PLEKHM3: variants seen among roughly 807,000 people sequenced by gnomAD.
PLEKHM3 encodes pleckstrin homology domain-containing family M member 3.
A neutral mutation model predicts 81.8 loss-of-function variants in PLEKHM3; 45 were observed. The ratio of observed to expected loss-of-function variants is 0.55; its 90% CI spans 0.43 to 0.71. PLEKHM3 has a LOEUF of 0.71. PLEKHM3 is among the 30% of genes least tolerant of loss of function. PLEKHM3 has a pLI of 0.00. For synonymous variants in PLEKHM3, 352 were observed against 356.4 expected (o/e 0.99, Z 0.14); for missense variants, 788 against 924.3 (o/e 0.85, Z 1.91).
At chr2:207,919,141 TA>T (rs925613299) in intron 5 of PLEKHM3, among the ~76,000 whole-genome samples, 2 of 147,748 alleles carry the variant, frequency 1.4e-5, no homozygotes, top group African/African-American at 5.0e-5. Context: ...AACAAAACGA[TA>T]AAAAAAAGAA....
At chr2:207,837,677 C>T (rs1575267629) in intron 7 of PLEKHM3, among the ~76,000 whole-genome samples, 1 of 104,336 alleles carries the variant, frequency 9.6e-6, no homozygotes, top group Admixed American at 1.5e-4. Context: ...TGGTCTTGTT[C>T]TCCTGACCTC....
At chr2:207,878,941 T>C (rs944932800) in intron 6 of PLEKHM3, among the ~76,000 whole-genome samples, 4 of 152,176 alleles carry the variant, frequency 2.6e-5, no homozygotes, top group Non-Finnish European at 5.9e-5. Context: ...TTCCCTAAGC[T>C]AGGGACAGCC....
chr2:207,852,242 T>A (rs1390762829), intron 7 of PLEKHM3, among the ~76,000 whole-genome samples: 3 of 152,288 alleles, frequency 2.0e-5, no homozygotes, highest in East Asian at 3.9e-4. Flanking sequence ...GTATTTGGAT[T>A]CAGGTTTTGG....
chr2:207,946,258 A>G lies in PLEKHM3; in HGVS notation c.1692+109T>C, dbSNP rs73064846. Reference sequence around the variant, plus strand: ...AAGGTCTTGCAGCTTTTATGAGACTACCTAATCATATCTGCTTCAAATTGT... The same window carrying G: ...AAGGTCTTGCAGCTTTTATGAGACTGCCTAATCATATCTGCTTCAAATTGT... On this transcript the variant is annotated intron_variant, in intron 4 of 7. Coordinates refer to ENST00000427836, the MANE Select transcript of PLEKHM3 (RefSeq NM_001080475.3). 1,339 of 1,282,462 alleles carry G rather than the reference A, an allele frequency of 1.0e-3. 18 individuals are homozygous for G. The African/African-American group carries it at 0.016, about 15-fold the overall frequency. The allele number at this position is 1,282,462 out of a possible 1,614,324, so 79.4% of individuals were successfully genotyped here. A position where few individuals can be genotyped will look rare whatever the true frequency, so the allele number is the denominator to read the frequency against.
intron 1 of PLEKHM3, among the ~76,000 whole-genome samples, chr2:208,005,181 C>T (rs1376190515): frequency 6.6e-6 from 1 of 152,130 alleles, no homozygotes; most frequent in Non-Finnish European, 1.5e-5. Flanking sequence ...TCCTATATAC[C>T]CCATGCTCAG....
In PLEKHM3 at chr2:207,880,418, A is replaced by C. The variant is rs550465284; in HGVS notation, c.1951-19156T>G. Among the ~76,000 whole-genome samples, 279 of 149,090 alleles carry C rather than the reference A, an allele frequency of 1.9e-3. 2 individuals carry two copies. Among genetic ancestry groups the C allele is most frequent in the African/African-American group, 6.5e-3 (264 of 40,574 alleles). ...TGAGACTCTGTCTAAAAGAAAAAAAAAAAAACGCAAATTGATGTAGTAATA... is the reference window on the plus strand; with the variant it reads ...TGAGACTCTGTCTAAAAGAAAAAAACAAAAACGCAAATTGATGTAGTAATA... On this transcript the variant is annotated intron_variant, in intron 6 of 7. Transcript: ENST00000427836.
At chr2:207,840,920 C>A (rs897058891) in intron 7 of PLEKHM3, among the ~76,000 whole-genome samples, 1 of 150,532 alleles carries the variant, frequency 6.6e-6, no homozygotes, top group African/African-American at 2.4e-5. Flanking sequence ...CATGCCTTAG[C>A]CTCTCAGGTG....
At chr2:207,917,032 G>A (rs1274214716) in intron 5 of PLEKHM3, among the ~76,000 whole-genome samples, 1 of 152,122 alleles carries the variant, frequency 6.6e-6, no homozygotes, top group African/African-American at 2.4e-5. Context: ...GAAAAAGAAG[G>A]GAGAGGGAAG....
At chr2:207,942,314 C>T (rs1689968000) in intron 4 of PLEKHM3, among the ~76,000 whole-genome samples, 1 of 151,704 alleles carries the variant, frequency 6.6e-6, no homozygotes, top group African/African-American at 2.4e-5. Context: ...TCGAGGCCAG[C>T]CTGGGCAACA....
chr2:207,860,538 T>C (rs534937438), intron 7 of PLEKHM3, among the ~76,000 whole-genome samples: 1 of 152,298 alleles, frequency 6.6e-6, no homozygotes, highest in African/African-American at 2.4e-5. Flanking sequence ...GAATCATCCA[T>C]CAATCCATGG....
chr2:207,878,002 C>T (rs143326557), intron 6 of PLEKHM3, among the ~76,000 whole-genome samples: 1 of 152,164 alleles, frequency 6.6e-6, no homozygotes, highest in Admixed American at 6.5e-5. Flanking sequence ...GTGGCGTAAT[C>T]TTGTCTTACC....
intron 3 of PLEKHM3, among the ~76,000 whole-genome samples, chr2:207,961,563 T>C (rs1247929972): frequency 6.6e-6 from 1 of 152,230 alleles, no homozygotes; most frequent in Non-Finnish European, 1.5e-5. Context: ...AAATCAATTC[T>C]GTGGTTGCTT....
intron 6 of PLEKHM3, among the ~76,000 whole-genome samples, chr2:207,872,320 T>G (rs983344549): frequency 6.6e-6 from 1 of 152,190 alleles, no homozygotes; most frequent in African/African-American, 2.4e-5. Flanking sequence ...CAGGTTTAGA[T>G]CCACAGTTTT....
In PLEKHM3 at chr2:208,002,560, G is replaced by A. The variant is rs566556206; in HGVS notation, c.-318-603C>T. On this transcript the variant is annotated intron_variant, in intron 1 of 7. Coordinates refer to ENST00000427836, the MANE Select transcript of PLEKHM3 (RefSeq NM_001080475.3). ...GCTCCAAACTCCCCAAGACTTCCAGGATTGGCCTCAGAGTATGGGTCCAGT... is the reference window on the plus strand; with the variant it reads ...GCTCCAAACTCCCCAAGACTTCCAGAATTGGCCTCAGAGTATGGGTCCAGT... 2.6e-5 allele frequency among the ~76,000 whole-genome samples: 4 copies of A among 152,222 alleles called. 1 individual carries two copies. The South Asian group carries it at 8.3e-4, about 32-fold the overall frequency.
intron 2 of PLEKHM3, among the ~76,000 whole-genome samples, chr2:207,979,902 C>T (rs1470751189): frequency 1.3e-5 from 2 of 152,172 alleles, no homozygotes; most frequent in African/African-American, 2.4e-5. Flanking sequence ...AACTCAAAAG[C>T]CATTAATTTC....
Position 207,952,961 on chromosome 2 carries a change from C to T in PLEKHM3, c.1547-6449G>A, listed in dbSNP as rs114883634. The stretch of plus-strand genomic sequence containing the variant: ...TCTGTCTTTGGGACAAGGTGGTGAC[C>T]CATAAAGTAGGAGCTATCTGTTTAG... On this transcript the variant is annotated intron_variant, in intron 3 of 7. Transcript: ENST00000427836. Among the ~76,000 whole-genome samples, 724 of 152,228 alleles carry T rather than the reference C, an allele frequency of 4.8e-3. 6 individuals are homozygous for T. The highest frequency in any genetic ancestry group is 0.017 in the Middle Eastern group (5 of 294).
intron 1 of PLEKHM3, among the ~76,000 whole-genome samples, chr2:208,012,073 G>C (rs1292927326): frequency 6.6e-6 from 1 of 151,736 alleles, no homozygotes; most frequent in South Asian, 2.1e-4. Context: ...ACGGAGTCTC[G>C]CTCTGTCGCC....
intron 5 of PLEKHM3, among the ~76,000 whole-genome samples, chr2:207,912,009 C>T (rs969030428): frequency 1.3e-5 from 2 of 152,196 alleles, no homozygotes; most frequent in Non-Finnish European, 2.9e-5. Flanking sequence ...CATACTCTTC[C>T]TGGAGTACTA....
chr2:208,016,670 TACACACACAC>T (rs370576889), intron 1 of PLEKHM3, among the ~76,000 whole-genome samples: 1 of 65,066 alleles, frequency 1.5e-5, no homozygotes, highest in Admixed American at 2.1e-4. Context: ...AAAAAAAAAA[TACACACACAC>T]ACACACACAC....
Sources: gnomAD v4.1 joint callset for allele counts (sites outside exome capture counted in the v4.1 genomes callset) on GRCh38, gnomAD v4.1.1 for gene constraint, MANE v1.5 for transcripts, NCBI Gene and HGNC (gene_info 2026-07-23, HGNC 2026-07-21) for gene names.